Variants in HACD4 observed in about 807,000 individuals in gnomAD.
HACD4 encodes the protein very-long-chain (3R)-3-hydroxyacyl-CoA dehydratase 4.
A neutral mutation model predicts 33.3 loss-of-function variants in HACD4; 35 were observed. The observed-to-expected ratio is 1.05, with a 90% CI of 0.80 to 1.39. The LOEUF (loss-of-function observed/expected upper bound fraction) is 1.39. Ranked by LOEUF, HACD4 falls within the 40% of genes most tolerant of loss-of-function variation. HACD4 has a pLI of 0.00. For missense variants in HACD4, 323 were observed against 276.5 expected (o/e 1.17, Z -1.19); for synonymous variants, 118 against 98.0 (o/e 1.20, Z -1.21).
intron 3 of HACD4, among the ~76,000 whole-genome samples, chr9:21,017,023 G>A (rs1587831930): frequency 6.6e-6 from 1 of 152,006 alleles, no homozygotes; most frequent in African/African-American, 2.4e-5. Context: ...TCTGTATTTT[G>A]TGTGTTTTTA....
intron 3 of HACD4, among the ~76,000 whole-genome samples, chr9:21,023,013 A>G (rs1302912768): frequency 6.6e-6 from 1 of 152,186 alleles, no homozygotes; most frequent in Non-Finnish European, 1.5e-5. Context: ...TGTGGCACAT[A>G]TACACCACCG....
Position 21,001,122 on chromosome 9 carries a change from G to A in HACD4, c.*5915C>T, listed in dbSNP as rs963232236. 6.6e-6 allele frequency: 1 copy of A among 151,974 alleles called. No homozygotes were observed. Among genetic ancestry groups the A allele is most frequent in the African/African-American group, 2.4e-5 (1 of 41,424 alleles). 9.4% of individuals were successfully genotyped at this position (151,974 alleles called of 1,614,324 possible). On this transcript the variant is annotated 3_prime_UTR_variant, in exon 7 of 7. Coordinates refer to ENST00000495827, the MANE Select transcript of HACD4 (RefSeq NM_001010915.5). ...AACTATCTCTGAAAAAGACTTGATG[G>A]TGGATCCACTAAAGGCTCTACAACG...
intron 3 of HACD4, among the ~76,000 whole-genome samples, chr9:21,017,354 G>C (rs899885006): frequency 3.3e-5 from 5 of 152,152 alleles, no homozygotes; most frequent in Non-Finnish European, 5.9e-5. Flanking sequence ...AATTATATAT[G>C]ATTCAAACCT....
At chr9:21,025,620 TA>T (rs1818042183) in intron 3 of HACD4, among the ~76,000 whole-genome samples, 1 of 152,210 alleles carries the variant, frequency 6.6e-6, no homozygotes, top group African/African-American at 2.4e-5. Context: ...AAGGGACAAC[TA>T]TATGAGCTAT....
intron 1 of HACD4, 35 bp downstream of exon 1, chr9:21,031,518 G>T: frequency 1.4e-6 from 2 of 1,455,468 alleles, no homozygotes; most frequent in Non-Finnish European, 1.8e-6. Flanking sequence ...CTCCACCCGC[G>T]CCCCCTCCCC....
Position 21,029,311 on chromosome 9 carries a change from G to T in HACD4, c.126C>A (p.Phe42Leu). Residue 42 changes from phenylalanine to leucine, a missense_variant, in exon 2 of 7, where the codon TTC (phenylalanine) becomes TTA (leucine). Transcript: ENST00000495827. Reference protein sequence around the residue: ...SWIFTNMTVRFFSFGKDSMVD... With the variant: ...SWIFTNMTVRLFSFGKDSMVD... Reference sequence around the variant, plus strand: ...GAGTTTTACCTTTTCCAAATGAAAAGAATCTGACTGTCATATTTGTAAATA... The same window carrying T: ...GAGTTTTACCTTTTCCAAATGAAAATAATCTGACTGTCATATTTGTAAATA... The T allele has an allele frequency of 6.3e-7, 1 of 1,578,612 alleles. No individual in the cohort carries two copies. Among genetic ancestry groups the T allele is most frequent in the Non-Finnish European group, 8.7e-7 (1 of 1,154,710 alleles).
Position 21,026,590 on chromosome 9 carries a change from A to G in HACD4, c.270+6T>C, listed in dbSNP as rs1405741258. On this transcript the variant is annotated splice_donor_region_variant and intron_variant, in intron 3 of 6. Transcript: ENST00000495827. ...GATTCTATAATAATATGTGATTCAAACCTACCTGCAAAAACCTTGGGAGAA... is the reference window on the plus strand; with the variant it reads ...GATTCTATAATAATATGTGATTCAAGCCTACCTGCAAAAACCTTGGGAGAA... The G allele has an allele frequency of 6.2e-7, 1 of 1,607,150 alleles. No individual in the cohort carries two copies. Among genetic ancestry groups the G allele is most frequent in the Non-Finnish European group, 8.5e-7 (1 of 1,176,104 alleles).
Position 21,011,565 on chromosome 9 carries a change from T to C in HACD4, c.490+24A>G, listed in dbSNP as rs1215083392. 3.6e-6 allele frequency: 5 copies of C among 1,391,728 alleles called. No homozygotes were observed. The East Asian group carries it at 9.1e-5, about 25-fold the overall frequency. The allele number at this position is 1,391,728 out of a possible 1,614,324, so 86.2% of individuals were successfully genotyped here. On this transcript the variant is annotated intron_variant, in intron 5 of 6. Transcript: ENST00000495827. ...CTAGATGGCTTTTGTCAGTAAGCAA[T>C]ACAGCAAGTCACTCTTTTCTTACCT...
intron 5 of HACD4, among the ~76,000 whole-genome samples, chr9:21,010,762 C>G (rs926234660): frequency 6.6e-5 from 10 of 152,038 alleles, no homozygotes; most frequent in Admixed American, 3.9e-4. Flanking sequence ...AGCTTATTTT[C>G]CTGCAACTAG....
intron 2 of HACD4, among the ~76,000 whole-genome samples, chr9:21,028,534 C>G (rs1012166250): frequency 2.0e-5 from 3 of 152,192 alleles, no homozygotes; most frequent in African/African-American, 7.2e-5. Flanking sequence ...CCTTATGATA[C>G]ACACGTCTGA....
At chr9:21,010,792 A>G (rs939120502) in intron 5 of HACD4, among the ~76,000 whole-genome samples, 1 of 152,068 alleles carries the variant, frequency 6.6e-6, no homozygotes, top group Non-Finnish European at 1.5e-5. Flanking sequence ...TCTGGGGGTG[A>G]TGGGAGACAG....
intron 3 of HACD4, among the ~76,000 whole-genome samples, chr9:21,023,598 G>A (rs1176794788): frequency 2.9e-5 from 4 of 138,822 alleles, no homozygotes; most frequent in Admixed American, 7.8e-5. Flanking sequence ...TTTTTGAGAC[G>A]GAGTCTTGCT....
chr9:21,015,899 T>C lies in HACD4; in HGVS notation c.382A>G (p.Arg128Gly). The stretch of plus-strand genomic sequence containing the variant: ...TAAGAGATTATTTTGCCTTCTTACC[T>C]AACCATATCCAATAGATTCCAAAAG... ...FVFWNLLDMV[R>G]YTYSMLSVIG... is the part of the protein sequence containing the mutation. The change falls in exon 4 of 7, where the codon AGG (arginine) becomes GGG (glycine). Residue 128 changes from arginine to glycine, a missense_variant and splice_region_variant. Physicochemically the swap from Arg to Gly is moderately radical, Grantham distance 125. Coordinates refer to ENST00000495827, the MANE Select transcript of HACD4 (RefSeq NM_001010915.5). 1 of 1,602,132 alleles carries C rather than the reference T, an allele frequency of 6.2e-7. No homozygotes were observed. The highest frequency in any genetic ancestry group is 8.6e-7 in the Non-Finnish European group (1 of 1,169,578).
intron 4 of HACD4, among the ~76,000 whole-genome samples, chr9:21,014,932 C>G (rs1842521021): frequency 6.6e-6 from 1 of 151,976 alleles, no homozygotes; most frequent in Admixed American, 6.6e-5. Context: ...TAAGCATAGC[C>G]AAGAGTAACA....
At chr9:21,010,160 T>C (rs1396630544) in intron 5 of HACD4, among the ~76,000 whole-genome samples, 1 of 152,220 alleles carries the variant, frequency 6.6e-6, no homozygotes. Flanking sequence ...TTTCCCTTAG[T>C]TACCTTAACA....
At chr9:21,013,079 AAAAAG>A (rs1371912851) in intron 4 of HACD4, among the ~76,000 whole-genome samples, 3 of 151,944 alleles carry the variant, frequency 2.0e-5, no homozygotes, top group Admixed American at 2.0e-4. Context: ...AAAAAAAAAA[AAAAAG>A]AAAAGCCACT....
intron 5 of HACD4, 101 bp from the exon 6 acceptor site, chr9:21,008,247 T>C: frequency 4.7e-6 from 5 of 1,064,646 alleles, no homozygotes; most frequent in Non-Finnish European, 5.2e-6. Flanking sequence ...AATTTGATAA[T>C]GACAGTTTTG....
In HACD4 at chr9:21,005,229, T is replaced by G. The variant is rs1842240838; in HGVS notation, c.*1808A>C. 6.6e-6 allele frequency: 1 copy of G among 152,060 alleles called. No homozygotes were observed. Among genetic ancestry groups the G allele is most frequent in the Non-Finnish European group, 1.5e-5 (1 of 68,000 alleles). 9.4% of individuals were successfully genotyped at this position (152,060 alleles called of 1,614,324 possible). A position where few individuals can be genotyped will look rare whatever the true frequency, so the allele number is the denominator to read the frequency against. ...AGATCTCCAACCAGTGTTGAAGGAG[T>G]GCCTCGGTTTATCTTGACTGCTTAA... On this transcript the variant is annotated 3_prime_UTR_variant, in exon 7 of 7. Coordinates refer to ENST00000495827, the MANE Select transcript of HACD4 (RefSeq NM_001010915.5). This position sits in a 1 kb window ranked among gnomAD's most constrained non-coding sequence, Gnocchi z 4.0.
chr9:21,019,450 A>T (rs912083568), intron 3 of HACD4, among the ~76,000 whole-genome samples: 5 of 152,166 alleles, frequency 3.3e-5, no homozygotes, highest in African/African-American at 4.8e-5. Context: ...AAGTTAATAC[A>T]TGTAAAGAAC....
Sources: gnomAD v4.1 joint callset for allele counts (sites outside exome capture counted in the v4.1 genomes callset) on GRCh38, gnomAD v4.1.1 for gene constraint, Gnocchi (gnomAD v3.1) non-coding constraint, MANE v1.5 for transcripts, NCBI Gene and HGNC (gene_info 2026-07-23, HGNC 2026-07-21) for gene names.